The following EXOC6B variants were observed in gnomAD, a reference collection of about 807,000 sequenced individuals.
EXOC6B encodes the protein SEC15 homolog B.
Under a neutral mutation model 113.5 loss-of-function variants are expected in EXOC6B, and 54 were observed. The ratio of observed to expected loss-of-function variants is 0.48; its 90% CI spans 0.38 to 0.60. The LOEUF (loss-of-function observed/expected upper bound fraction) is 0.60. EXOC6B is among the 20% of genes least tolerant of loss of function. The probability of loss-of-function intolerance (pLI) is 0.00; values close to 1 mark genes in which losing one functional copy is unlikely to be tolerated. For missense variants in EXOC6B, 797 were observed against 977.5 expected, an observed-to-expected ratio of 0.82 and a Z score of 2.46; for synonymous variants, 357 against 339.0, an observed-to-expected ratio of 1.05 and a Z score of -0.58.
At chr2:72,471,393 T>A (rs1309366461) in intron 17 of EXOC6B, among the ~76,000 whole-genome samples, 4 of 152,166 alleles carry the variant, frequency 2.6e-5, no homozygotes, top group African/African-American at 9.7e-5. Flanking sequence ...GTTGAAAAAA[T>A]TTTCTCCCAT....
At chr2:72,545,978 T>C (rs904023244) in intron 8 of EXOC6B, among the ~76,000 whole-genome samples, 2 of 152,206 alleles carry the variant, frequency 1.3e-5, no homozygotes, top group East Asian at 3.8e-4. Flanking sequence ...CTCCTAATCC[T>C]TTCCTTGCTA....
chr2:72,218,510 G>A (rs1054527731), intron 20 of EXOC6B, among the ~76,000 whole-genome samples: 6 of 152,154 alleles, frequency 3.9e-5, no homozygotes, highest in African/African-American at 1.4e-4. Flanking sequence ...AACCTGATTA[G>A]TAATGATTTA....
Position 72,255,413 on chromosome 2 carries a change from G to A in EXOC6B, c.2197-71226C>T, listed in dbSNP as rs536171643. On this transcript the variant is annotated intron_variant, in intron 20 of 21. Coordinates refer to ENST00000272427, the MANE Select transcript of EXOC6B (RefSeq NM_015189.3). ...AAGAAAAGGAAAGGATGACTTCTAG[G>A]TCAGAGCCATGGGTGCAGAAGTAGA... 2.0e-5 allele frequency among the ~76,000 whole-genome samples: 3 copies of A among 152,348 alleles called. No homozygotes were observed. The South Asian group carries it at 6.2e-4, about 32-fold the overall frequency.
chr2:72,378,985 G>A (rs1011365601), intron 19 of EXOC6B, among the ~76,000 whole-genome samples: 3 of 152,174 alleles, frequency 2.0e-5, no homozygotes, highest in Non-Finnish European at 4.4e-5. Context: ...TCATATGGCA[G>A]TGTTTTATTC....
At chr2:72,760,742 T>C (rs1682694662) in intron 1 of EXOC6B, 1 of 152,044 alleles carries the variant, frequency 6.6e-6, no homozygotes, top group Non-Finnish European at 1.5e-5. Context: ...AAACCAACAA[T>C]ACAAATATTT....
At chr2:72,337,398 A>T (rs1313159137) in intron 19 of EXOC6B, among the ~76,000 whole-genome samples, 1 of 152,186 alleles carries the variant, frequency 6.6e-6, no homozygotes, top group African/African-American at 2.4e-5. Context: ...AAATGGCAGC[A>T]ACTATCAAGA....
intron 20 of EXOC6B, among the ~76,000 whole-genome samples, chr2:72,237,258 T>C (rs1411559511): frequency 6.6e-6 from 1 of 152,222 alleles, no homozygotes; most frequent in Admixed American, 6.5e-5. Flanking sequence ...TTGTCCAAGC[T>C]AGCAAGGCAT....
At chr2:72,262,497 A>G (rs1226652046) in intron 20 of EXOC6B, among the ~76,000 whole-genome samples, 1 of 152,100 alleles carries the variant, frequency 6.6e-6, no homozygotes, top group Non-Finnish European at 1.5e-5. Context: ...AATGCACCCA[A>G]TCTCATCTAA....
chr2:72,289,005 T>TA (rs962953998), intron 20 of EXOC6B: 1 of 260,666 alleles, frequency 3.8e-6, no homozygotes, highest in African/African-American at 2.3e-5. Context: ...GGCAGAATAA[T>TA]AATCCCGCCA....
intron 6 of EXOC6B, among the ~76,000 whole-genome samples, chr2:72,609,889 A>T (rs1670970891): frequency 6.6e-6 from 1 of 152,178 alleles, no homozygotes; most frequent in Non-Finnish European, 1.5e-5. Context: ...TAGACACATT[A>T]TATTTAGGGA....
At chr2:72,632,350 T>C (rs182063885) in intron 6 of EXOC6B, among the ~76,000 whole-genome samples, 1 of 152,194 alleles carries the variant, frequency 6.6e-6, no homozygotes, top group South Asian at 2.1e-4. Flanking sequence ...AGTAAAAATG[T>C]AAATGTAAAA....
intron 1 of EXOC6B, among the ~76,000 whole-genome samples, chr2:72,819,766 G>C (rs1686481425): frequency 6.6e-6 from 1 of 151,502 alleles, no homozygotes; most frequent in Non-Finnish European, 1.5e-5. Flanking sequence ...AAAGAAAAAA[G>C]AGAGAGAGAG....
At chr2:72,716,234 C>T (rs947982274) in intron 6 of EXOC6B, among the ~76,000 whole-genome samples, 2 of 152,178 alleles carry the variant, frequency 1.3e-5, no homozygotes, top group Admixed American at 6.5e-5. Context: ...ATGGAAGAGC[C>T]ATACAATGGA....
At chr2:72,389,820 T>C (rs533411997) in intron 18 of EXOC6B, among the ~76,000 whole-genome samples, 3 of 152,318 alleles carry the variant, frequency 2.0e-5, no homozygotes, top group African/African-American at 7.2e-5. Context: ...AGTTTCTTTT[T>C]ATCGTTGTTT....
intron 19 of EXOC6B, among the ~76,000 whole-genome samples, chr2:72,362,210 T>C (rs1388270609): frequency 6.6e-6 from 1 of 152,154 alleles, no homozygotes; most frequent in African/African-American, 2.4e-5. Flanking sequence ...ATCCAGTTCA[T>C]ACTGTGAAAA....
At chr2:72,257,255 TA>T (rs983220849) in intron 20 of EXOC6B, among the ~76,000 whole-genome samples, 4 of 151,362 alleles carry the variant, frequency 2.6e-5, no homozygotes, top group Admixed American at 1.3e-4. Flanking sequence ...TCACGGAGCT[TA>T]AAAAAAAACC....
At chr2:72,401,544 T>C (rs1356976187) in intron 18 of EXOC6B, among the ~76,000 whole-genome samples, 6 of 14,418 alleles carry the variant, frequency 4.2e-4, no homozygotes, top group African/African-American at 2.8e-3. Flanking sequence ...TATATATATA[T>C]GTGTATATAT....
At chr2:72,223,685 TTTTGTTTGTTTG>T (rs3029112) in intron 20 of EXOC6B, among the ~76,000 whole-genome samples, 8 of 151,304 alleles carry the variant, frequency 5.3e-5, no homozygotes, top group Non-Finnish European at 4.4e-5. Context: ...AAGGCCTGTT[TTTTGTTTGTTTG>T]TTTGTTTGTT....
intron 1 of EXOC6B, among the ~76,000 whole-genome samples, chr2:72,800,445 C>T (rs1189515993): frequency 6.6e-6 from 1 of 152,020 alleles, no homozygotes; most frequent in East Asian, 1.9e-4. Context: ...ATCAAAATAC[C>T]TGTTGTTTAA....
Sources: allele counts gnomAD v4.1 joint callset (sites outside exome capture counted in the v4.1 genomes callset), GRCh38; gene constraint gnomAD v4.1.1; transcripts MANE v1.5; gene names NCBI Gene and HGNC (gene_info 2026-07-23, HGNC 2026-07-21).